Variants in ADAMTSL3 observed in about 807,000 individuals in gnomAD.
ADAMTSL3 encodes the protein ADAMTS like 3, also known as ADAMTS-like protein 3.
Under a neutral mutation model 201.7 loss-of-function variants are expected in ADAMTSL3, and 128 were observed. The observed-to-expected ratio is 0.63, with a 90% CI of 0.55 to 0.73. ADAMTSL3 has a LOEUF of 0.73. Among genes scored for constraint, ADAMTSL3 ranks in the 30% least tolerant of loss-of-function variants. The probability of loss-of-function intolerance (pLI) is 0.00; values close to 1 mark genes in which losing one functional copy is unlikely to be tolerated. For synonymous variants in ADAMTSL3, 738 were observed against 748.4 expected (o/e 0.99, Z 0.23); for missense variants, 1,990 against 2,119.6 (o/e 0.94, Z 1.20).
At chr15:83,718,981 A>G (rs992274427) in intron 3 of ADAMTSL3, among the ~76,000 whole-genome samples, 3 of 152,208 alleles carry the variant, frequency 2.0e-5, no homozygotes, top group Non-Finnish European at 4.4e-5. Flanking sequence ...TAAATAAGGA[A>G]GGGATGATAG....
intron 17 of ADAMTSL3, among the ~76,000 whole-genome samples, chr15:83,930,679 G>A (rs1302742127): frequency 6.6e-6 from 1 of 152,148 alleles, no homozygotes; most frequent in Non-Finnish European, 1.5e-5. Flanking sequence ...GTTTTTATGT[G>A]AAAGGAAATA....
chr15:83,885,076 T>C, intron 9 of ADAMTSL3, 25 bp from the exon 10 acceptor site: 1 of 1,532,296 alleles, frequency 6.5e-7, no homozygotes, highest in Non-Finnish European at 9.0e-7. Context: ...TTTGCACGTG[T>C]GTTCTCACAG....
intron 2 of ADAMTSL3, among the ~76,000 whole-genome samples, chr15:83,703,630 T>C (rs2061805993): frequency 6.6e-6 from 1 of 152,044 alleles, no homozygotes; most frequent in African/African-American, 2.4e-5. Flanking sequence ...CGGAAGTGCC[T>C]TTCACCTCCT....
chr15:83,805,048 G>T (rs903067528), intron 5 of ADAMTSL3, among the ~76,000 whole-genome samples: 1 of 152,106 alleles, frequency 6.6e-6, no homozygotes, highest in East Asian at 1.9e-4. Context: ...TCTCTTTTGC[G>T]AGTGAGAGGA....
intron 23 of ADAMTSL3, among the ~76,000 whole-genome samples, chr15:83,992,855 G>T (rs2067606072): frequency 6.6e-6 from 1 of 152,202 alleles, no homozygotes; most frequent in African/African-American, 2.4e-5. Context: ...CCTGCCCTGT[G>T]CTGTGGGGCC....
At chr15:83,838,545 C>G (rs2064320234) in intron 7 of ADAMTSL3, among the ~76,000 whole-genome samples, 2 of 152,338 alleles carry the variant, frequency 1.3e-5, no homozygotes, top group African/African-American at 4.8e-5. Context: ...AAAATATTGT[C>G]ATGTATCTAT....
intron 3 of ADAMTSL3, among the ~76,000 whole-genome samples, chr15:83,738,880 A>G (rs2062409350): frequency 6.6e-6 from 1 of 152,010 alleles, no homozygotes; most frequent in South Asian, 2.1e-4. Context: ...TGGGTGATGG[A>G]GCAAGACTCC....
At chr15:84,036,051 T>G (rs985014239) in intron 28 of ADAMTSL3, among the ~76,000 whole-genome samples, 6 of 152,166 alleles carry the variant, frequency 3.9e-5, no homozygotes, top group African/African-American at 1.4e-4. Flanking sequence ...TCTTTGGAAC[T>G]GGGAAGACAC....
chr15:83,695,326 T>C (rs1457385653), intron 2 of ADAMTSL3, among the ~76,000 whole-genome samples: 3 of 46,790 alleles, frequency 6.4e-5, no homozygotes, highest in South Asian at 1.4e-3. Context: ...CCAGAGAAAA[T>C]GCATGTTTTG....
At chr15:83,952,583 T>G (rs2066777496) in intron 19 of ADAMTSL3, among the ~76,000 whole-genome samples, 1 of 152,218 alleles carries the variant, frequency 6.6e-6, no homozygotes, top group East Asian at 1.9e-4. Context: ...TATCTCTATA[T>G]GGCTTTGATA....
intron 3 of ADAMTSL3, among the ~76,000 whole-genome samples, chr15:83,762,929 C>T (rs957955109): frequency 5.9e-5 from 9 of 151,580 alleles, no homozygotes; most frequent in African/African-American, 2.2e-4. Flanking sequence ...CTCTGTCACC[C>T]AGGCTGGAGT....
In ADAMTSL3 at chr15:83,770,829, G is replaced by A. The variant is rs918473711; in HGVS notation, c.190-2694G>A. Among the ~76,000 whole-genome samples, 40 of 152,264 alleles carry A rather than the reference G, an allele frequency of 2.6e-4. 1 individual carries two copies. Among genetic ancestry groups the A allele is most frequent in the Middle Eastern group, 6.8e-3 (2 of 294 alleles). Reference sequence around the variant, plus strand: ...TCATGCCTGTAATCCGAGGACTTTGGGAGGCTGAGGCGGGCGGATTATGAG... The same window carrying A: ...TCATGCCTGTAATCCGAGGACTTTGAGAGGCTGAGGCGGGCGGATTATGAG... On this transcript the variant is annotated intron_variant, in intron 3 of 29. Transcript: ENST00000286744.
At chr15:83,709,626 C>T (rs1397720316) in intron 3 of ADAMTSL3, among the ~76,000 whole-genome samples, 1 of 152,176 alleles carries the variant, frequency 6.6e-6, no homozygotes, top group African/African-American at 2.4e-5. Flanking sequence ...TCCATCCTTA[C>T]CTTGCTTCAA....
chr15:83,679,871 G>A (rs1180800927), intron 2 of ADAMTSL3, among the ~76,000 whole-genome samples: 1 of 152,164 alleles, frequency 6.6e-6, no homozygotes, highest in Non-Finnish European at 1.5e-5. Context: ...TGGTTAAGGG[G>A]AGTGTTACTC....
At chr15:83,913,517 C>T (rs916421765) in intron 16 of ADAMTSL3, 139 bp downstream of exon 16, 12 of 890,034 alleles carry the variant, frequency 1.3e-5, no homozygotes, top group Non-Finnish European at 2.0e-5. Flanking sequence ...GAAAATGATA[C>T]TTTTTCTTCT....
intron 6 of ADAMTSL3, among the ~76,000 whole-genome samples, chr15:83,824,496 G>A (rs2141934571): frequency 6.6e-6 from 1 of 152,198 alleles, no homozygotes; most frequent in South Asian, 2.1e-4. Context: ...ATCACCCAAA[G>A]TTCATAGTTT....
intron 13 of ADAMTSL3, among the ~76,000 whole-genome samples, chr15:83,894,672 T>G (rs2065577454): frequency 6.6e-6 from 1 of 152,170 alleles, no homozygotes; most frequent in South Asian, 2.1e-4. Context: ...TTTAAAGTCT[T>G]TTTTTAATTA....
At chr15:83,792,672 A>T (rs1321385300) in intron 4 of ADAMTSL3, among the ~76,000 whole-genome samples, 4 of 152,016 alleles carry the variant, frequency 2.6e-5, no homozygotes, top group African/African-American at 9.7e-5. Context: ...AATCCCAGCT[A>T]CTCAGGAGGC....
At chr15:83,970,053 T>C (rs1305457864) in intron 19 of ADAMTSL3, among the ~76,000 whole-genome samples, 1 of 152,172 alleles carries the variant, frequency 6.6e-6, no homozygotes, top group African/African-American at 2.4e-5. Context: ...GTGTAGTTCT[T>C]TGTATATCAA....
Sources: gnomAD v4.1 joint callset for allele counts (sites outside exome capture counted in the v4.1 genomes callset) on GRCh38, gnomAD v4.1.1 for gene constraint, MANE v1.5 for transcripts, NCBI Gene and HGNC (gene_info 2026-07-23, HGNC 2026-07-21) for gene names.